Variants in RBM5 observed in about 807,000 individuals in gnomAD.
The protein encoded by RBM5 is RNA binding motif protein 5.
Under a neutral mutation model 124.6 loss-of-function variants are expected in RBM5, and 15 were observed. That is an observed-to-expected ratio of 0.12 (90% CI 0.08 to 0.19). The LOEUF is 0.19. Among genes scored for constraint, RBM5 ranks in the 10% least tolerant of loss-of-function variants. The pLI is 1.00. For missense variants in RBM5, 580 were observed against 1,026.5 expected (o/e 0.57, Z 5.94); for synonymous variants, 337 against 361.2 (o/e 0.93, Z 0.76).
chr3:50,111,021 A>C (rs1298188715), intron 17 of RBM5: 3 of 481,572 alleles, frequency 6.2e-6, no homozygotes, highest in Non-Finnish European at 1.1e-5. Context: ...TTGAATGTTT[A>C]TACATGTCTA....
chr3:50,094,156 A>ATTTTTTT (rs145309164), intron 4 of RBM5: 1 of 164,576 alleles, frequency 6.1e-6, no homozygotes, highest in Non-Finnish European at 1.3e-5. Flanking sequence ...ACTTTAAATA[A>ATTTTTTT]TTTTTTTTTT....
At chr3:50,110,522 T>A in intron 16 of RBM5, 59 bp downstream of exon 16, 1 of 1,538,348 alleles carries the variant, frequency 6.5e-7, no homozygotes, top group Non-Finnish European at 9.0e-7. Context: ...TGTCTTTGTT[T>A]AATGAGAGTT....
intron 3 of RBM5, chr3:50,092,842 A>G (rs2090728619): frequency 5.4e-6 from 2 of 370,870 alleles, no homozygotes; most frequent in South Asian, 2.0e-5. Context: ...TGAGCCCAGG[A>G]GTTAGAGGCC....
rs534363647 is a variant in RBM5 at position 50,117,936 on chromosome 3, G to A, written c.2323-395G>A. Reference sequence around the variant, plus strand: ...TAATTGCCCCTGCTCTGTCCTGGGAGCACAGCTTAGGTCAGACTCTTGTAG... The same window carrying A: ...TAATTGCCCCTGCTCTGTCCTGGGAACACAGCTTAGGTCAGACTCTTGTAG... On this transcript the variant is annotated intron_variant, in intron 24 of 24. Transcript: ENST00000347869. The surrounding 1 kb of genome is among the most constrained non-coding windows in gnomAD (Gnocchi z 4.2). 2.8e-5 allele frequency: 6 copies of A among 211,318 alleles called. No homozygotes were observed. In the South Asian group the frequency reaches 4.4e-4, roughly 16 times the overall value. The allele number at this position is 211,318 out of a possible 1,614,324, so 13.1% of individuals were successfully genotyped here.
Position 50,100,108 on chromosome 3 carries a change from C to T in RBM5, c.409+57C>T, listed in dbSNP as rs747532049. 6.8e-7 allele frequency: 1 copy of T among 1,466,780 alleles called. No homozygotes were observed. The highest frequency in any genetic ancestry group is 9.5e-7 in the Non-Finnish European group (1 of 1,056,886). 90.9% of individuals were successfully genotyped at this position (1,466,780 alleles called of 1,614,324 possible). Reference sequence around the variant, plus strand: ...TTCTCTTCCCCATTCCCACCTCAGTCCCTAAAGAACATCCTGATTCCCCCA... The same window carrying T: ...TTCTCTTCCCCATTCCCACCTCAGTTCCTAAAGAACATCCTGATTCCCCCA... On this transcript the variant is annotated intron_variant, in intron 5 of 24. Transcript: ENST00000347869. The surrounding 1 kb of genome is among the most constrained non-coding windows in gnomAD (Gnocchi z 5.1).
At chr3:50,096,361 G>C (rs567375796) in intron 4 of RBM5, among the ~76,000 whole-genome samples, 1 of 151,568 alleles carries the variant, frequency 6.6e-6, no homozygotes, top group African/African-American at 2.4e-5. Flanking sequence ...AATGGCGCTT[G>C]TCTGTGGTCC....
rs1379806199 is a variant in RBM5, at chr3:50,115,541, C to T, written c.1953C>T (p.Leu651=). ...LADWKKMACL[L]CRRQFPNKDA... ...ACTGGAAGAAGATGGCCTGTCTGCT[C>T]TGCCGGCGCCAGTTCCCGAACAAAG... Residue 651 remains leucine, a synonymous_variant, in exon 21 of 25, where the codon CTC becomes CTT. Coordinates refer to ENST00000347869, the MANE Select transcript of RBM5 (RefSeq NM_005778.4). The T allele has an allele frequency of 6.8e-6, 11 of 1,613,598 alleles. No homozygotes were observed. Among genetic ancestry groups the T allele is most frequent in the Non-Finnish European group, 8.5e-6 (10 of 1,179,954 alleles).
chr3:50,098,486 A>G (rs566419901), intron 4 of RBM5, among the ~76,000 whole-genome samples: 2 of 151,976 alleles, frequency 1.3e-5, no homozygotes, highest in South Asian at 4.2e-4. Context: ...ACTCTTGCCC[A>G]GGCTGGAGTG....
chr3:50,095,737 CAT>C (rs975883356), intron 4 of RBM5, among the ~76,000 whole-genome samples: 2 of 152,068 alleles, frequency 1.3e-5, no homozygotes, highest in Non-Finnish European at 2.9e-5. Context: ...CATCAACACA[CAT>C]GTCTCATCTC....
At chr3:50,090,529 A>G in intron 2 of RBM5, 78 bp downstream of exon 2, 1 of 1,534,266 alleles carries the variant, frequency 6.5e-7, no homozygotes, top group South Asian at 1.1e-5. Context: ...AGTTTATCAA[A>G]CTAATATATG....
At chr3:50,113,805 C>A in intron 18 of RBM5, 145 bp from the exon 19 acceptor site, 1 of 1,046,420 alleles carries the variant, frequency 9.6e-7, no homozygotes, top group Non-Finnish European at 1.4e-6. Context: ...TATGTGATAA[C>A]ATCTAATGGA....
chr3:50,116,847 G>T, intron 22 of RBM5: 1 of 527,194 alleles, frequency 1.9e-6, no homozygotes, highest in East Asian at 3.3e-5. Context: ...GCTTGTTGGA[G>T]ACATAGTTCT....
At chr3:50,108,345 T>G in intron 14 of RBM5, 41 bp downstream of exon 14, 1 of 1,510,184 alleles carries the variant, frequency 6.6e-7, no homozygotes, top group Non-Finnish European at 9.2e-7. Flanking sequence ...GTTTAAGCAC[T>G]TACAGTTGAA....
intron 11 of RBM5, 128 bp from the exon 12 acceptor site, chr3:50,107,354 C>G (rs1016750157): frequency 6.8e-6 from 5 of 733,392 alleles, no homozygotes; most frequent in Non-Finnish European, 1.2e-5. Flanking sequence ...GAGCCCTCCC[C>G]CTGTGAAATG....
chr3:50,091,943 A>G, intron 2 of RBM5, 100 bp from the exon 3 acceptor site: 1 of 1,281,996 alleles, frequency 7.8e-7, no homozygotes, highest in Non-Finnish European at 1.1e-6. Flanking sequence ...TATTTGGATT[A>G]TCTTATAAAC....
chr3:50,104,954 C>G (rs2091002097), intron 8 of RBM5, 123 bp from the exon 9 acceptor site: 5 of 765,524 alleles, frequency 6.5e-6, no homozygotes, highest in East Asian at 2.7e-5. Flanking sequence ...GGCACAAATG[C>G]TTAAAAAAGA....
At chr3:50,096,853 C>T (rs965503534) in intron 4 of RBM5, among the ~76,000 whole-genome samples, 12 of 151,888 alleles carry the variant, frequency 7.9e-5, no homozygotes, top group African/African-American at 2.4e-4. Flanking sequence ...TCAATCCTCC[C>T]GCCTGGGTCT....
At chr3:50,093,941 A>G in intron 4 of RBM5, 66 bp downstream of exon 4, 2 of 1,523,972 alleles carry the variant, frequency 1.3e-6, no homozygotes, top group East Asian at 2.3e-5. Context: ...TTCTACCATT[A>G]TTTTCTCATG....
At chr3:50,113,840 T>C in intron 18 of RBM5, 110 bp from the exon 19 acceptor site, 1 of 1,255,426 alleles carries the variant, frequency 8.0e-7, no homozygotes, top group South Asian at 1.5e-5. Flanking sequence ...GAAGTAAGAG[T>C]AAAAGGGGTT....
Sources: allele counts gnomAD v4.1 joint callset (sites outside exome capture counted in the v4.1 genomes callset), GRCh38; gene constraint gnomAD v4.1.1; non-coding constraint Gnocchi (gnomAD v3.1); transcripts MANE v1.5; gene names NCBI Gene and HGNC (gene_info 2026-07-23, HGNC 2026-07-21).